The following MFHAS1 variants were observed in gnomAD, a reference collection of about 807,000 sequenced individuals.
MFHAS1 encodes the protein malignant fibrous histiocytoma-amplified sequence 1.
Under a neutral mutation model 70.4 loss-of-function variants are expected in MFHAS1, and 50 were observed. The ratio of observed to expected loss-of-function variants is 0.71; its 90% confidence interval spans 0.57 to 0.90. MFHAS1 has a LOEUF of 0.90. MFHAS1 is among the 40% of genes least tolerant of loss of function. MFHAS1 has a pLI of 0.00. For missense variants in MFHAS1, 1,795 were observed against 1,347.6 expected (o/e 1.33, Z -5.20); for synonymous variants, 952 against 620.0 (o/e 1.54, Z -7.96).
intron 1 of MFHAS1, among the ~76,000 whole-genome samples, chr8:8,845,491 G>T (rs997759865): frequency 6.6e-6 from 1 of 152,180 alleles, no homozygotes; most frequent in African/African-American, 2.4e-5. Flanking sequence ...TGAGGCTGCC[G>T]GAAACAGGTT....
At chr8:8,817,309 A>G (rs1237352194) in intron 1 of MFHAS1, among the ~76,000 whole-genome samples, 1 of 152,244 alleles carries the variant, frequency 6.6e-6, no homozygotes, top group Admixed American at 6.5e-5. Context: ...AAATTACATT[A>G]AATTACCTCC....
At chr8:8,789,286 C>G (rs936051286) in intron 2 of MFHAS1, among the ~76,000 whole-genome samples, 1 of 152,200 alleles carries the variant, frequency 6.6e-6, no homozygotes, top group African/African-American at 2.4e-5. Flanking sequence ...ATGAGGCTTA[C>G]GGACTCCTAG....
intron 1 of MFHAS1, among the ~76,000 whole-genome samples, chr8:8,866,852 ATCGTGATATGAAT>A (rs1808877405): frequency 6.6e-6 from 1 of 152,236 alleles, no homozygotes; most frequent in South Asian, 2.1e-4. Flanking sequence ...TGAAAATAAA[ATCGTGATATGAAT>A]TCATGAATCA....
rs1315256374 is a variant in MFHAS1 at position 8,784,020 on chromosome 8, T to C, written c.*2002A>G. ...CATAAAACATCACTGGTCAAAAATA[T>C]TAGATATTAAGAATGTGGGCGTTTA... On this transcript the variant is annotated 3_prime_UTR_variant, in exon 3 of 3. Transcript: ENST00000276282. 6.6e-6 allele frequency: 1 copy of C among 152,126 alleles called. No individual in the cohort carries two copies. Among genetic ancestry groups the C allele is most frequent in the Non-Finnish European group, 1.5e-5 (1 of 68,014 alleles). The allele number at this position is 152,126 out of a possible 1,614,324, so 9.4% of individuals were successfully genotyped here. A position where few individuals can be genotyped will look rare whatever the true frequency, so the allele number is the denominator to read the frequency against.
chr8:8,841,543 T>A (rs572878957), intron 1 of MFHAS1, among the ~76,000 whole-genome samples: 44 of 152,214 alleles, frequency 2.9e-4, no homozygotes, highest in African/African-American at 1.0e-3. Context: ...CTCATTCCCC[T>A]CAAGCAAACA....
intron 1 of MFHAS1, among the ~76,000 whole-genome samples, chr8:8,805,776 C>T (rs757719359): frequency 2.6e-5 from 4 of 152,130 alleles, no homozygotes; most frequent in Non-Finnish European, 5.9e-5. Context: ...TGGCTCACTA[C>T]AACCTCCACC....
intron 1 of MFHAS1, among the ~76,000 whole-genome samples, chr8:8,816,987 T>C (rs1222565661): frequency 6.6e-6 from 1 of 152,238 alleles, no homozygotes; most frequent in Non-Finnish European, 1.5e-5. Context: ...TTCAGAGAAC[T>C]GTAACTTAAA....
At chr8:8,880,869 G>C (rs1040073882) in intron 1 of MFHAS1, among the ~76,000 whole-genome samples, 4 of 152,046 alleles carry the variant, frequency 2.6e-5, no homozygotes, top group Admixed American at 6.6e-5. Context: ...ATTTTTAGTA[G>C]AGATGAGGGT....
chr8:8,875,275 C>CA (rs1384894748), intron 1 of MFHAS1, among the ~76,000 whole-genome samples: 6 of 151,440 alleles, frequency 4.0e-5, no homozygotes, highest in Non-Finnish European at 7.4e-5. Flanking sequence ...GAATCACTCA[C>CA]AAAAAAAACT....
In MFHAS1 at chr8:8,893,025, C is replaced by T. The variant is rs1810153526; in HGVS notation, c.34G>A (p.Ala12Thr). Residue 12 changes from alanine (A) to threonine (T), a missense_variant, in exon 1 of 3, where the codon GCG becomes ACG. By Grantham distance (58) the Ala-to-Thr change is moderately conservative. Coordinates refer to ENST00000276282, the MANE Select transcript of MFHAS1 (RefSeq NM_004225.3). ...AGGGCGGCGTCCCGCCACAGCCTCG[C>T]GGTCTTCAGGTTGCCACTGTCCATC... ...AGMDSGNLKT[A>T]RLWRDAALRA... The T allele has an allele frequency of 6.5e-7, 1 of 1,536,172 alleles. No homozygotes were observed. The highest frequency in any genetic ancestry group is 2.0e-5 in the Admixed American group (1 of 50,898).
chr8:8,800,160 T>C (rs534606148), intron 1 of MFHAS1, among the ~76,000 whole-genome samples: 1 of 152,352 alleles, frequency 6.6e-6, no homozygotes, highest in Admixed American at 6.5e-5. Flanking sequence ...TGAAAAACAT[T>C]AATTTCCTGA....
chr8:8,876,624 G>A (rs977529425), intron 1 of MFHAS1, among the ~76,000 whole-genome samples: 8 of 151,944 alleles, frequency 5.3e-5, no homozygotes, highest in East Asian at 2.0e-4. Flanking sequence ...TGATCCTCCC[G>A]CCTCGGCCTC....
intron 1 of MFHAS1, among the ~76,000 whole-genome samples, chr8:8,819,774 T>C (rs767297941): frequency 3.3e-5 from 5 of 152,128 alleles, no homozygotes; most frequent in East Asian, 1.9e-4. Flanking sequence ...TCACAGCTCA[T>C]TGCAGCCTCA....
At chr8:8,824,544 C>T (rs950981397) in intron 1 of MFHAS1, among the ~76,000 whole-genome samples, 18 of 52,900 alleles carry the variant, frequency 3.4e-4, no homozygotes, top group African/African-American at 6.9e-4. Flanking sequence ...CACACACACA[C>T]ACACACACAC....
intron 1 of MFHAS1, among the ~76,000 whole-genome samples, chr8:8,882,790 G>A (rs967713987): frequency 6.6e-6 from 1 of 152,174 alleles, no homozygotes; most frequent in Admixed American, 6.5e-5. Flanking sequence ...CTGCTGAAGT[G>A]AAGGCTGCCA....
chr8:8,814,413 C>T (rs1806661164), intron 1 of MFHAS1, among the ~76,000 whole-genome samples: 1 of 152,206 alleles, frequency 6.6e-6, no homozygotes, highest in Non-Finnish European at 1.5e-5. Context: ...GTAGGCTAGA[C>T]CATCTAGGTT....
At chr8:8,824,288 T>A (rs75376881) in intron 1 of MFHAS1, among the ~76,000 whole-genome samples, 3,347 of 152,134 alleles carry the variant, frequency 0.022, 117 homozygotes, top group African/African-American at 0.077. Flanking sequence ...ACATCTTGCA[T>A]CTTCTTAAGC....
In MFHAS1 at chr8:8,784,438, C is replaced by A. The variant is rs1805464941; in HGVS notation, c.*1584G>T. On this transcript the variant is annotated 3_prime_UTR_variant, in exon 3 of 3. Transcript: ENST00000276282. ...TAAAAAAATGCAAACATCGTCTGATCCCATTCGATTTTTATCATCATAAGA... is the reference window on the plus strand; with the variant it reads ...TAAAAAAATGCAAACATCGTCTGATACCATTCGATTTTTATCATCATAAGA... 6.6e-6 allele frequency: 1 copy of A among 152,162 alleles called. No homozygotes were observed. The allele number at this position is 152,162 out of a possible 1,614,324, so 9.4% of individuals were successfully genotyped here.
intron 1 of MFHAS1, among the ~76,000 whole-genome samples, chr8:8,808,392 A>C (rs1806415569): frequency 6.6e-6 from 1 of 152,256 alleles, no homozygotes; most frequent in Non-Finnish European, 1.5e-5. Flanking sequence ...TTTCTCGGTT[A>C]TCAGATCCAC....
Sources: allele counts gnomAD v4.1 joint callset (sites outside exome capture counted in the v4.1 genomes callset), GRCh38; gene constraint gnomAD v4.1.1; transcripts MANE v1.5; gene names NCBI Gene and HGNC (gene_info 2026-07-23, HGNC 2026-07-21).